The following CPVL variants were observed in gnomAD, a reference collection of about 807,000 sequenced individuals.
The protein encoded by CPVL is carboxypeptidase vitellogenic like.
A neutral mutation model predicts 63.7 loss-of-function variants in CPVL; 51 were observed. That is an observed-to-expected ratio of 0.80 (90% CI 0.64 to 1.01). CPVL has a LOEUF of 1.01. Among genes scored for constraint, CPVL ranks in the 50% least tolerant of loss-of-function variants. The probability of loss-of-function intolerance (pLI) is 0.00; values close to 1 mark genes in which losing one functional copy is unlikely to be tolerated. For missense variants in CPVL, 530 were observed against 573.1 expected (o/e 0.92, Z 0.77); for synonymous variants, 195 against 206.0 (o/e 0.95, Z 0.46).
At chr7:29,055,197 T>C (rs1790607178) in intron 11 of CPVL, among the ~76,000 whole-genome samples, 1 of 152,196 alleles carries the variant, frequency 6.6e-6, no homozygotes, top group Non-Finnish European at 1.5e-5. Context: ...GAAAATGGCT[T>C]TATATTTTTG....
intron 5 of CPVL, among the ~76,000 whole-genome samples, chr7:29,171,193 G>A (rs187005354): frequency 1.1e-4 from 17 of 152,288 alleles, no homozygotes; most frequent in African/African-American, 3.9e-4. Context: ...CATACGCACT[G>A]CTCTTTCACA....
chr7:29,145,771 A>G (rs961953125), intron 1 of CPVL: 2 of 152,172 alleles, frequency 1.3e-5, no homozygotes, highest in Non-Finnish European at 2.9e-5. Flanking sequence ...AATTTGCCCG[A>G]GGTCACTCAC....
intron 3 of CPVL, among the ~76,000 whole-genome samples, chr7:29,101,013 A>T (rs1165260896): frequency 6.6e-6 from 1 of 152,222 alleles, no homozygotes; most frequent in African/African-American, 2.4e-5. Context: ...TATGCAGTAT[A>T]ATATTAATTA....
At chr7:29,170,194 C>T (rs1231529454) in intron 5 of CPVL, among the ~76,000 whole-genome samples, 2 of 152,098 alleles carry the variant, frequency 1.3e-5, no homozygotes, top group Non-Finnish European at 2.9e-5. Context: ...TAAGGTGCTT[C>T]CTTGGCTACT....
At chr7:29,016,802 A>T (rs944309153) in intron 12 of CPVL, among the ~76,000 whole-genome samples, 3 of 152,146 alleles carry the variant, frequency 2.0e-5, no homozygotes, top group African/African-American at 7.2e-5. Flanking sequence ...TCAAACAGGG[A>T]ATCAGTCCTC....
chr7:29,064,347 C>A, intron 10 of CPVL, 113 bp from the exon 11 acceptor site: 1 of 579,026 alleles, frequency 1.7e-6, no homozygotes, highest in Non-Finnish European at 2.9e-6. Context: ...CGTGACGGGA[C>A]TATTAACTTG....
rs1030885734 is a variant in CPVL, at chr7:29,136,502, T to C, written c.-11+9927A>G. ...TATGTAAAAGTGGTGAATTTTCACC[T>C]TGTTGAATAAGTCAATAGAAAATAC... On this transcript the variant is annotated intron_variant, in intron 1 of 12. Transcript: ENST00000265394. 3.3e-5 allele frequency among the ~76,000 whole-genome samples: 5 copies of C among 152,290 alleles called. No homozygotes were observed. In the South Asian group the frequency reaches 8.3e-4, roughly 25 times the overall value.
chr7:29,048,694 A>T (rs1789859029), intron 11 of CPVL, among the ~76,000 whole-genome samples: 1 of 152,134 alleles, frequency 6.6e-6, no homozygotes, highest in Non-Finnish European at 1.5e-5. Context: ...TATATACAGA[A>T]CATTTCGTCC....
intron 11 of CPVL, among the ~76,000 whole-genome samples, chr7:29,034,949 A>C (rs1788381234): frequency 6.6e-6 from 1 of 152,014 alleles, no homozygotes; most frequent in Admixed American, 6.5e-5. Flanking sequence ...AAGAATTCAA[A>C]TACTACCATA....
chr7:29,100,280 ATTTTGGAGAGCTTTTCTC>A (rs1249257753), intron 3 of CPVL, among the ~76,000 whole-genome samples: 7 of 152,192 alleles, frequency 4.6e-5, no homozygotes, highest in African/African-American at 9.7e-5. Flanking sequence ...TCATTAAAAC[ATTTTGGAGAGCTTTTCTC>A]TTTTGGAGAG....
At chr7:29,011,688 C>T (rs990288121) in intron 12 of CPVL, 1 of 149,634 alleles carries the variant, frequency 6.7e-6, no homozygotes, top group Non-Finnish European at 1.5e-5. Context: ...GCAAATGAAA[C>T]ACTCCACTGA....
chr7:29,136,137 G>T lies in CPVL; in HGVS notation c.-11+10292C>A, dbSNP rs180703618. Among the ~76,000 whole-genome samples, 464 of 152,278 alleles carry T rather than the reference G, an allele frequency of 3.0e-3. 5 individuals carry two copies. The highest frequency in any genetic ancestry group is 0.011 in the African/African-American group (443 of 41,550). On this transcript the variant is annotated intron_variant, in intron 1 of 12. Coordinates refer to ENST00000265394, the MANE Select transcript of CPVL (RefSeq NM_031311.5). ...ATATTGGAGCAGTAAGATAGAGGGG[G>T]ATCCACATGAGATGTCCTCAAGGAA...
intron 10 of CPVL, among the ~76,000 whole-genome samples, chr7:29,064,927 A>T (rs1329529020): frequency 1.2e-4 from 1 of 8,010 alleles, no homozygotes; most frequent in Non-Finnish European, 6.4e-4. Context: ...AAAATTAAAA[A>T]ATAAAAAAAA....
At chr7:29,079,864 G>A (rs536518314) in intron 7 of CPVL, among the ~76,000 whole-genome samples, 1 of 152,308 alleles carries the variant, frequency 6.6e-6, no homozygotes, top group African/African-American at 2.4e-5. Flanking sequence ...ATGCAAACAT[G>A]TTGAGAGTCC....
intron 3 of CPVL, among the ~76,000 whole-genome samples, chr7:29,111,051 A>T (rs1053432003): frequency 2.1e-4 from 32 of 152,262 alleles, no homozygotes; most frequent in Admixed American, 9.2e-4. Context: ...CCTTGATTTC[A>T]GCCCAGGGAG....
chr7:29,123,317 C>G (rs1025416466), intron 1 of CPVL, among the ~76,000 whole-genome samples: 4 of 151,844 alleles, frequency 2.6e-5, no homozygotes, highest in Non-Finnish European at 5.9e-5. Context: ...TCATGTCTCT[C>G]AGGGTTAACT....
upstream of CPVL, among the ~76,000 whole-genome samples, chr7:29,149,807 T>C (rs1412897974): frequency 6.6e-6 from 1 of 152,154 alleles, no homozygotes; most frequent in Non-Finnish European, 1.5e-5. Context: ...GCTTTCTCTC[T>C]GTGTCTTTTC....
chr7:29,068,682 CTTTTTTTTTTTCTTTGTT>C (rs1783385192), intron 9 of CPVL, among the ~76,000 whole-genome samples: 1 of 143,024 alleles, frequency 7.0e-6, no homozygotes, highest in Non-Finnish European at 1.5e-5. Context: ...GTGTCTTTTT[CTTTTTTTTTTTCTTTGTT>C]TTTTTTTTTT....
upstream of CPVL, among the ~76,000 whole-genome samples, chr7:29,149,254 G>T (rs11971828): frequency 7.3e-6 from 1 of 137,170 alleles, no homozygotes; most frequent in South Asian, 2.4e-4. Flanking sequence ...CTGCAATGTC[G>T]CAATCTCAGC....
Sources: allele counts gnomAD v4.1 joint callset (sites outside exome capture counted in the v4.1 genomes callset), GRCh38; gene constraint gnomAD v4.1.1; transcripts MANE v1.5; gene names NCBI Gene and HGNC (gene_info 2026-07-23, HGNC 2026-07-21).